The following ACAP1 variants were observed in gnomAD, a reference collection of about 807,000 sequenced individuals.
The protein encoded by ACAP1 is ArfGAP with coiled-coil, ankyrin repeat and PH domains 1, also known as arf-GAP with coiled-coil, ANK repeat and PH domain-containing protein 1.
In ACAP1, 45 loss-of-function variants were observed where a neutral mutation model predicts 98.8. That is an observed-to-expected ratio of 0.46 (90% confidence interval 0.36 to 0.58). The LOEUF (loss-of-function observed/expected upper bound fraction) is 0.58, where lower values mean the gene tolerates loss of function less well. Ranked by LOEUF, ACAP1 falls within the 20% of genes least tolerant of loss-of-function variation. The probability of loss-of-function intolerance (pLI) is 0.00; values close to 1 mark genes in which losing one functional copy is unlikely to be tolerated. For synonymous variants in ACAP1, 362 were observed against 375.3 expected (o/e 0.96, Z 0.41); for missense variants, 735 against 971.4 (o/e 0.76, Z 3.24).
rs149948108 is a variant in ACAP1 at position 7,350,197 on chromosome 17, A to G, written c.2032A>G (p.Thr678Ala). The G allele has an allele frequency of 3.1e-5, 50 of 1,613,928 alleles. No individual in the cohort carries two copies. The African/African-American group carries it at 6.4e-4, about 21-fold the overall frequency. ...AGACTCTGAAGGCAGGGACCCTCTG[A>G]CCATCGCCATGGAAACAGCCAACGC... ...ARDSEGRDPL[T>A]IAMETANADI... The change falls in exon 20 of 22, where the codon ACC becomes GCC. Residue 678 changes from threonine (T) to alanine (A), a missense_variant. This residue lies in a region of ACAP1 where 142 missense variants were observed against 224.1 expected (regional missense o/e 0.63). Coordinates refer to ENST00000158762, the MANE Select transcript of ACAP1 (RefSeq NM_014716.4). This position sits in a 1 kb window ranked among gnomAD's most constrained non-coding sequence, Gnocchi z 4.6.
intron 21 of ACAP1, 113 bp from the exon 22 acceptor site, chr17:7,351,182 G>A: frequency 2.7e-6 from 3 of 1,116,354 alleles, no homozygotes; most frequent in South Asian, 1.5e-5. Flanking sequence ...CCCGCGGCGC[G>A]CACGTTCCCA....
rs762488840 is a variant in ACAP1 at position 7,349,127 on chromosome 17, G to A, written c.1811G>A (p.Gly604Asp). Reference sequence around the variant, plus strand: ...GCTGATGTCAACTGGGTCAATGGGGGCCAAGATAATGCCACACCGCTGATC... The same window carrying A: ...GCTGATGTCAACTGGGTCAATGGGGACCAAGATAATGCCACACCGCTGATC... ...HGADVNWVNG[G>D]QDNATPLIQA... The change falls in exon 18 of 22, where the codon GGC becomes GAC. Residue 604 changes from glycine (G) to aspartate (D), a missense_variant. Transcript: ENST00000158762. The A allele has an allele frequency of 5.5e-5, 88 of 1,613,900 alleles. No homozygotes were observed. The highest frequency in any genetic ancestry group is 7.4e-5 in the Non-Finnish European group (87 of 1,180,004).
At chr17:7,339,877 T>C (rs1466537220) in intron 2 of ACAP1, among the ~76,000 whole-genome samples, 1 of 152,072 alleles carries the variant, frequency 6.6e-6, no homozygotes, top group African/African-American at 2.4e-5. Context: ...TCTCCATCTC[T>C]CTACTTTTGT....
chr17:7,345,642 CTTTTTTTCTTTTTCTT>C (rs2073338707), intron 10 of ACAP1: 1 of 151,114 alleles, frequency 6.6e-6, no homozygotes, highest in Admixed American at 6.6e-5. Context: ...TCTTTCTTTT[CTTTTTTTCTTTTTCTT>C]TTTTTTTCTT....
Position 7,350,339 on chromosome 17 carries a change from G to C in ACAP1, c.2072+102G>C. On this transcript the variant is annotated intron_variant, in intron 20 of 21. Transcript: ENST00000158762. This position sits in a 1 kb window ranked among gnomAD's most constrained non-coding sequence, Gnocchi z 4.6. Reference sequence around the variant, plus strand: ...GGGGCTGACGCCGAAACAGAAGCCTGTGCTGTGGGGCCTCGGAAAGGGGCT... The same window carrying C: ...GGGGCTGACGCCGAAACAGAAGCCTCTGCTGTGGGGCCTCGGAAAGGGGCT... 6 of 978,404 alleles carry C rather than the reference G, an allele frequency of 6.1e-6. No homozygotes were observed. Among genetic ancestry groups the C allele is most frequent in the Non-Finnish European group, 9.0e-6 (6 of 664,358 alleles). The allele number at this position is 978,404 out of a possible 1,614,324, so 60.6% of individuals were successfully genotyped here.
intron 10 of ACAP1, 198 bp from the exon 11 acceptor site, chr17:7,346,046 G>C: frequency 1.7e-6 from 1 of 604,122 alleles, no homozygotes; most frequent in Non-Finnish European, 3.0e-6. Flanking sequence ...TATGAAATCT[G>C]GGTTGTCCAA....
At position 7,336,544 on chromosome 17, in the gene ACAP1, T is replaced by G; in HGVS notation, c.-191T>G. The G allele has an allele frequency of 5.2e-6, 3 of 571,888 alleles. No homozygotes were observed. The highest frequency in any genetic ancestry group is 3.1e-6 in the Non-Finnish European group (1 of 317,966). The allele number at this position is 571,888 out of a possible 1,614,324, so 35.4% of individuals were successfully genotyped here. A position where few individuals can be genotyped will look rare whatever the true frequency, so the allele number is the denominator to read the frequency against. ...TGCCCCTCCCAGCACTGCCTGGAAG[T>G]GTGGGGTGAGAGCTCCTCCTAGGAC... On this transcript the variant is annotated 5_prime_UTR_variant, in exon 1 of 22. Coordinates refer to ENST00000158762, the MANE Select transcript of ACAP1 (RefSeq NM_014716.4).
At chr17:7,347,483 C>T (rs2073358072) in intron 14 of ACAP1, 1 of 525,522 alleles carries the variant, frequency 1.9e-6, no homozygotes, top group Non-Finnish European at 3.4e-6. Context: ...AATTTGTTGG[C>T]TTGGTTGGAA....
rs2073346551 is a variant in ACAP1 at position 7,346,397 on chromosome 17, G to A, written c.913G>A (p.Val305Met). The change falls in exon 12 of 22, where the codon GTG (valine) becomes ATG (methionine). Residue 305 changes from valine (V) to methionine (M), a missense_variant. Transcript: ENST00000158762. ...LVYQKKYKDP[V>M]TVVVDDLRLC... ...TATCACCTTATCCTGCCAGGACCCT[G>A]TGACTGTGGTGGTGGATGACCTTCG... 6.2e-7 allele frequency: 1 copy of A among 1,614,006 alleles called. No homozygotes were observed. The highest frequency in any genetic ancestry group is 8.5e-7 in the Non-Finnish European group (1 of 1,179,924).
Position 7,343,795 on chromosome 17 carries a change from G to A in ACAP1, c.573+45G>A. On this transcript the variant is annotated intron_variant, in intron 7 of 21. Coordinates refer to ENST00000158762, the MANE Select transcript of ACAP1 (RefSeq NM_014716.4). The surrounding 1 kb of genome is among the most constrained non-coding windows in gnomAD (Gnocchi z 4.9). ...AGGGCAGGGTGGAGAAGAGCCTGCT[G>A]CCAGCACAAGGGAATGGGGAGAGGG... 2 of 1,613,232 alleles carry A rather than the reference G, an allele frequency of 1.2e-6. No homozygotes were observed. Among genetic ancestry groups the A allele is most frequent in the Non-Finnish European group, 1.7e-6 (2 of 1,179,544 alleles).
chr17:7,337,424 G>T (rs539253158), intron 2 of ACAP1, 55 bp downstream of exon 2: 1 of 1,501,982 alleles, frequency 6.7e-7, no homozygotes, highest in South Asian at 1.1e-5. Flanking sequence ...GAGGGGTAGG[G>T]CCAGGGAGAA....
In ACAP1 at chr17:7,340,760, C is replaced by T. The variant is rs571899612; in HGVS notation, c.112-1188C>T. Among the ~76,000 whole-genome samples, 20 of 152,236 alleles carry T rather than the reference C, an allele frequency of 1.3e-4. No individual in the cohort carries two copies. In the East Asian group the frequency reaches 1.4e-3, roughly 10 times the overall value. ...ACTCTGGAGGCTGAGGCAGGAGGAT[C>T]GCTTGAACCTGGGAGGTGGAGGTTG... On this transcript the variant is annotated intron_variant, in intron 2 of 21. Coordinates refer to ENST00000158762, the MANE Select transcript of ACAP1 (RefSeq NM_014716.4).
At position 7,350,767 on chromosome 17, in the gene ACAP1, C is replaced by G. The variant is rs767551535; in HGVS notation, c.2073-183C>G. The G allele has an allele frequency of 1.8e-6, 1 of 568,146 alleles. No homozygotes were observed. The highest frequency in any genetic ancestry group is 3.1e-6 in the Non-Finnish European group (1 of 318,536). The allele number at this position is 568,146 out of a possible 1,614,324, so 35.2% of individuals were successfully genotyped here. A position where few individuals can be genotyped will look rare whatever the true frequency, so the allele number is the denominator to read the frequency against. ...CTGGGACTACAGGCGTGCGCCACCA[C>G]CCCCGGCTAATTTTTTGTATTTTTA... On this transcript the variant is annotated intron_variant, in intron 20 of 21. Coordinates refer to ENST00000158762, the MANE Select transcript of ACAP1 (RefSeq NM_014716.4). The surrounding 1 kb of genome is among the most constrained non-coding windows in gnomAD (Gnocchi z 4.6).
rs1401645627 is a variant in ACAP1, at chr17:7,350,210, A to C, written c.2045A>C (p.Glu682Ala). The change falls in exon 20 of 22, where the codon GAA becomes GCA. Residue 682 changes from glutamate to alanine, a missense_variant. Glu to Ala is a moderately radical substitution (Grantham distance 107). Transcript: ENST00000158762. The surrounding 1 kb of genome is among the most constrained non-coding windows in gnomAD (Gnocchi z 4.6). ...AGGGACCCTCTGACCATCGCCATGG[A>C]AACAGCCAACGCTGACATCGTCACC... ...EGRDPLTIAMETANADIVTLL... is the reference protein window; with the variant it reads ...EGRDPLTIAMATANADIVTLL... 2 of 1,614,148 alleles carry C rather than the reference A, an allele frequency of 1.2e-6. No homozygotes were observed. The highest frequency in any genetic ancestry group is 3.3e-5 in the Admixed American group (2 of 60,022).
intron 18 of ACAP1, 129 bp downstream of exon 18, chr17:7,349,296 C>A: frequency 1.0e-6 from 1 of 989,872 alleles, no homozygotes; most frequent in Non-Finnish European, 1.4e-6. Context: ...GAGAGATCAA[C>A]AATAGAGACT....
Position 7,337,342 on chromosome 17 carries a change from G to A in ACAP1, c.84G>A (p.Val28=), listed in dbSNP as rs2073230922. ...RASIELVEAE[V]SELETRLEKL... Reference sequence around the variant, plus strand: ...CTATTGAGCTGGTGGAAGCCGAAGTGTCAGAATTGGAGACCCGTCTGGAAA... The same window carrying A: ...CTATTGAGCTGGTGGAAGCCGAAGTATCAGAATTGGAGACCCGTCTGGAAA... The change falls in exon 2 of 22, where the codon GTG becomes GTA. Residue 28 remains valine (V), a synonymous_variant. Transcript: ENST00000158762. 2 of 1,614,064 alleles carry A rather than the reference G, an allele frequency of 1.2e-6. No individual in the cohort carries two copies.
intron 2 of ACAP1, among the ~76,000 whole-genome samples, chr17:7,339,107 T>A (rs542850980): frequency 1.4e-5 from 2 of 146,252 alleles, no homozygotes; most frequent in Non-Finnish European, 3.0e-5. Context: ...TGGCTAACAC[T>A]GTGAAACCCC....
In ACAP1 at chr17:7,342,250, T is replaced by C. The variant is rs753903610; in HGVS notation, c.232-25T>C. The C allele has an allele frequency of 7.4e-6, 12 of 1,613,734 alleles. No individual in the cohort carries two copies. The South Asian group carries it at 1.1e-4, about 15-fold the overall frequency. On this transcript the variant is annotated intron_variant, in intron 3 of 21. Transcript: ENST00000158762. ...GGTGCTGCCACCCCATGCCTGGTAC[T>C]CTTTCTGTGCCTCTTCTTGCCTAGG...
rs771741694 is a variant in ACAP1, at chr17:7,342,405, C to G, written c.286-11C>G. ...TCCTGACCCCAGTCTACCAACTTCT[C>G]CTTCCCTCAGGAGCTTCTAGATGCC... On this transcript the variant is annotated splice_polypyrimidine_tract_variant and intron_variant, in intron 4 of 21. Transcript: ENST00000158762. 2.1e-5 allele frequency: 34 copies of G among 1,614,030 alleles called. No homozygotes were observed. The highest frequency in any genetic ancestry group is 2.7e-5 in the Non-Finnish European group (32 of 1,180,018).
Sources: gnomAD v4.1 joint callset for allele counts (sites outside exome capture counted in the v4.1 genomes callset) on GRCh38, gnomAD v4.1.1 for gene constraint, gnomAD v4.1.1 regional missense constraint, Gnocchi (gnomAD v3.1) non-coding constraint, MANE v1.5 for transcripts, NCBI Gene and HGNC (gene_info 2026-07-23, HGNC 2026-07-21) for gene names.